NKAP: variants seen among roughly 807,000 people sequenced by gnomAD.
NKAP encodes NF-kappa-B-activating protein.
NKAP carries 4 observed loss-of-function variants against 35.6 expected under a neutral mutation model. The observed-to-expected ratio is 0.11, with a 90% CI of 0.06 to 0.26. The LOEUF is 0.26. Among genes scored for constraint, NKAP ranks in the 10% least tolerant of loss-of-function variants. The pLI, the probability that NKAP is intolerant of heterozygous loss-of-function variation, is 1.00. For missense variants in NKAP, 238 were observed against 321.9 expected, an observed-to-expected ratio of 0.74 and a Z score of 1.99; for synonymous variants, 106 against 119.2, an observed-to-expected ratio of 0.89 and a Z score of 0.72.
At chrX:119,928,569 CA>C (rs201201888) in intron 8 of NKAP, among the ~76,000 whole-genome samples, 1,475 of 111,498 alleles carry the variant, frequency 0.013, 35 homozygotes, top group African/African-American at 0.046. Context: ...AAAAAAATGA[CA>C]TTTTTTTTTT....
rs1379486065 is a variant in NKAP at position 119,924,933 on chromosome X, G to A, written c.*287C>T. 7 of 258,083 alleles carry A rather than the reference G, an allele frequency of 2.7e-5. No homozygotes were observed. Among genetic ancestry groups the A allele is most frequent in the South Asian group, 5.7e-5 (1 of 17,462 alleles). The allele number at this position is 258,083 out of a possible 1,213,427, so 21.3% of individuals were successfully genotyped here. ...ACTCCTGGCCTCAAGTGATCCACCC[G>A]CCTCAGCCTCCCAAAGTGCTGGGAT... On this transcript the variant is annotated 3_prime_UTR_variant, in exon 9 of 9. Transcript: ENST00000371410.
At chrX:119,943,048 A>G in intron 1 of NKAP, 172 bp downstream of exon 1, 1 of 619,165 alleles carries the variant, frequency 1.6e-6, no homozygotes, top group South Asian at 3.1e-5. Flanking sequence ...GGTAAGGGAA[A>G]ATGAAAAGGA....
At chrX:119,927,533 T>G (rs1473378148) in intron 8 of NKAP, among the ~76,000 whole-genome samples, 1 of 110,772 alleles carries the variant, frequency 9.0e-6, no homozygotes, top group African/African-American at 3.3e-5. Context: ...TTGGTAGAGA[T>G]GGGGTTTCAC....
intron 8 of NKAP, among the ~76,000 whole-genome samples, chrX:119,929,138 T>G (rs1204000173): frequency 1.8e-5 from 2 of 109,817 alleles, no homozygotes; most frequent in African/African-American, 6.6e-5. Flanking sequence ...TCAAGTGATC[T>G]GCCTGCCTTG....
chrX:119,930,850 A>C (rs2056737322), intron 7 of NKAP, among the ~76,000 whole-genome samples: 3 of 108,802 alleles, frequency 2.8e-5, no homozygotes, highest in Admixed American at 9.9e-5. Flanking sequence ...AAAAAAAAAA[A>C]ACAAAGTAGG....
Position 119,922,135 on chromosome X carries a change from C to CT in NKAP, c.*3084_*3085insA, listed in dbSNP as rs2056690748. ...GGGATTATAGGTGTGAGCCACCACGCCCAGCTGAGAATAAAATTTTTAAGT... is the reference window on the plus strand; with the variant it reads ...GGGATTATAGGTGTGAGCCACCACGCTCCAGCTGAGAATAAAATTTTTAAGT... On this transcript the variant is annotated 3_prime_UTR_variant, in exon 9 of 9. Coordinates refer to ENST00000371410, the MANE Select transcript of NKAP (RefSeq NM_024528.4). 1 of 111,625 alleles carries CT rather than the reference C, an allele frequency of 9.0e-6. No homozygotes were observed. The highest frequency in any genetic ancestry group is 3.3e-5 in the African/African-American group (1 of 30,761). The allele number at this position is 111,625 out of a possible 1,213,427, so 9.2% of individuals were successfully genotyped here.
rs1432329409 is a variant in NKAP, at chrX:119,936,302, G to A, written c.668C>T (p.Ser223Phe). ...AATGCTGTTGGCGTTCTTACCACTGGAGTCTGTTTCAGAATCAGAGTCACT... is the reference window on the plus strand; with the variant it reads ...AATGCTGTTGGCGTTCTTACCACTGAAGTCTGTTTCAGAATCAGAGTCACT... ...SDSDSDSETD[S>F]SDEDNKRRAK... is the part of the protein sequence containing the mutation. The change falls in exon 4 of 9, where the codon TCC (serine) becomes TTC (phenylalanine). Residue 223 changes from serine (S) to phenylalanine (F), a missense_variant. This residue lies in a region of NKAP where 89 missense variants were observed against 91.7 expected (regional missense o/e 0.97). Coordinates refer to ENST00000371410, the MANE Select transcript of NKAP (RefSeq NM_024528.4). The A allele has an allele frequency of 7.5e-6, 9 of 1,205,799 alleles. No individual in the cohort carries two copies. The highest frequency in any genetic ancestry group is 1.0e-5 in the Non-Finnish European group (9 of 893,562).
At chrX:119,937,840 C>T (rs11797947) in intron 2 of NKAP, 24,096 of 108,886 alleles carry the variant, frequency 0.22, 2,265 homozygotes, top group Middle Eastern at 0.33. Context: ...CAAGCATTTT[C>T]TAAAGGTATC....
At chrX:119,926,243 AC>A (rs200697929) in intron 8 of NKAP, among the ~76,000 whole-genome samples, 10,378 of 107,365 alleles carry the variant, frequency 0.097, 610 homozygotes, top group African/African-American at 0.21. Context: ...GGCGTGAGCC[AC>A]CGCGCCTGGC....
intron 1 of NKAP, among the ~76,000 whole-genome samples, chrX:119,941,177 T>G (rs977690640): frequency 2.7e-5 from 3 of 110,857 alleles, no homozygotes; most frequent in African/African-American, 9.8e-5. Flanking sequence ...ATTTTCTAAA[T>G]GTACATATGC....
rs1466055346 is a variant in NKAP at position 119,925,287 on chromosome X, T to C, written c.1181A>G (p.Glu394Gly). The change falls in exon 9 of 9, where the codon GAG (glutamate) becomes GGG (glycine). Residue 394 changes from glutamate (E) to glycine (G), a missense_variant. Glu to Gly is a moderately conservative substitution (Grantham distance 98, BLOSUM62 -2). Transcript: ENST00000371410. ...SFNQEERRKRENKILASFREM... is the reference protein window; with the variant it reads ...SFNQEERRKRGNKILASFREM... Reference sequence around the variant, plus strand: ...TCGAAAACTGGCCAGAATCTTGTTCTCTCTCTTTCGTCTCTCTTCTTGGTT... The same window carrying C: ...TCGAAAACTGGCCAGAATCTTGTTCCCTCTCTTTCGTCTCTCTTCTTGGTT... The C allele has an allele frequency of 8.3e-7, 1 of 1,211,465 alleles. No homozygotes were observed. The highest frequency in any genetic ancestry group is 1.7e-5 in the African/African-American group (1 of 57,808).
Position 119,943,370 on chromosome X carries a change from C to A in NKAP, c.236G>T (p.Arg79Leu). The stretch of plus-strand genomic sequence containing the variant: ...GGGCGCAGAGGGCCGCTCTCTAGAA[C>A]GCGACCGCGAGCGTGAGCGGTAGGA... ...NQSYRSRSRS[R>L]SRERPSAPRG... Residue 79 changes from arginine to leucine, a missense_variant, in exon 1 of 9, where the codon CGT becomes CTT. Around this residue, in one of 5 missense-constraint regions of NKAP, gnomAD observed 123 missense variants for 115.3 expected, o/e 1.07. Coordinates refer to ENST00000371410, the MANE Select transcript of NKAP (RefSeq NM_024528.4). The A allele has an allele frequency of 8.3e-7, 1 of 1,211,987 alleles. No individual in the cohort carries two copies. Among genetic ancestry groups the A allele is most frequent in the Non-Finnish European group, 1.1e-6 (1 of 895,403 alleles).
Position 119,921,531 on chromosome X carries a change from A to G in NKAP, c.*3689T>C, listed in dbSNP as rs1318832231. The G allele has an allele frequency of 4.7e-5, 5 of 106,487 alleles. No individual in the cohort carries two copies. In the East Asian group the frequency reaches 1.2e-3, roughly 25 times the overall value. The allele number at this position is 106,487 out of a possible 1,213,427, so 8.8% of individuals were successfully genotyped here. A position where few individuals can be genotyped will look rare whatever the true frequency, so the allele number is the denominator to read the frequency against. Reference sequence around the variant, plus strand: ...TAGGCAAGGAGGTGGCAAACTAGATAAGTCTCCTTGGAGAACAAAAAATAT... The same window carrying G: ...TAGGCAAGGAGGTGGCAAACTAGATGAGTCTCCTTGGAGAACAAAAAATAT... On this transcript the variant is annotated 3_prime_UTR_variant, in exon 9 of 9. Coordinates refer to ENST00000371410, the MANE Select transcript of NKAP (RefSeq NM_024528.4).
At chrX:119,928,366 C>T (rs990907069) in intron 8 of NKAP, among the ~76,000 whole-genome samples, 2 of 112,151 alleles carry the variant, frequency 1.8e-5, no homozygotes, top group Admixed American at 1.9e-4. Flanking sequence ...TTCTCTGATA[C>T]TATTACAAAT....
chrX:119,930,179 C>A lies in NKAP; in HGVS notation c.924-14G>T. ...GCATGGCCATAGCTACAAAGTAATT[C>A]AGAATTCAGAAAAGGTCCATTAAAT... On this transcript the variant is annotated splice_polypyrimidine_tract_variant and intron_variant, in intron 7 of 8. Coordinates refer to ENST00000371410, the MANE Select transcript of NKAP (RefSeq NM_024528.4). 8.6e-7 allele frequency: 1 copy of A among 1,169,302 alleles called. No individual in the cohort carries two copies. The highest frequency in any genetic ancestry group is 1.1e-6 in the Non-Finnish European group (1 of 876,868).
intron 1 of NKAP, among the ~76,000 whole-genome samples, chrX:119,941,907 G>T (rs1237848178): frequency 8.9e-6 from 1 of 112,118 alleles, no homozygotes; most frequent in Non-Finnish European, 1.9e-5. Flanking sequence ...GGGATTACAG[G>T]CATGAGCCTC....
chrX:119,938,908 T>G, intron 1 of NKAP, 98 bp from the exon 2 acceptor site: 1 of 606,967 alleles, frequency 1.6e-6, no homozygotes, highest in Middle Eastern at 3.3e-4. Context: ...CTTTTTTCCC[T>G]TTATATTTTA....
At chrX:119,927,239 C>G (rs1428019290) in intron 8 of NKAP, among the ~76,000 whole-genome samples, 1 of 108,151 alleles carries the variant, frequency 9.2e-6, no homozygotes, top group Non-Finnish European at 1.9e-5. Flanking sequence ...CCTCAGCCTC[C>G]TATTTCATGT....
At chrX:119,943,068 G>A in intron 1 of NKAP, 152 bp downstream of exon 1, 2 of 705,812 alleles carry the variant, frequency 2.8e-6, no homozygotes, top group Non-Finnish European at 4.2e-6. Context: ...ACGAATAAAG[G>A]GTTGTCGTGG....
Sources: gnomAD v4.1 joint callset for allele counts (sites outside exome capture counted in the v4.1 genomes callset) on GRCh38, gnomAD v4.1.1 for gene constraint, gnomAD v4.1.1 regional missense constraint, MANE v1.5 for transcripts, NCBI Gene and HGNC (gene_info 2026-07-23, HGNC 2026-07-21) for gene names.